The following PTPN3 variants were observed in gnomAD, a reference collection of about 807,000 sequenced individuals.
PTPN3 encodes tyrosine-protein phosphatase non-receptor type 3.
Under a neutral mutation model 132.7 loss-of-function variants are expected in PTPN3, and 96 were observed. The observed-to-expected ratio is 0.72, with a 90% CI of 0.61 to 0.86. The LOEUF (loss-of-function observed/expected upper bound fraction) is 0.86. Among genes scored for constraint, PTPN3 ranks in the 40% least tolerant of loss-of-function variants. PTPN3 has a pLI of 0.00. For synonymous variants in PTPN3, 398 were observed against 429.0 expected (o/e 0.93, Z 0.89); for missense variants, 1,125 against 1,159.6 (o/e 0.97, Z 0.43).
chr9:109,429,002 A>G (rs1417183718), intron 10 of PTPN3: 1 of 985,436 alleles, frequency 1.0e-6, no homozygotes, highest in Non-Finnish European at 1.2e-6. Context: ...TGGTATATAC[A>G]TGGGGAAGAC....
chr9:109,495,030 G>C (rs1305176179), intron 1 of PTPN3, among the ~76,000 whole-genome samples: 1 of 152,110 alleles, frequency 6.6e-6, no homozygotes, highest in African/African-American at 2.4e-5. Context: ...GCACTTCTCA[G>C]GTCCTTCTCG....
intron 2 of PTPN3, among the ~76,000 whole-genome samples, chr9:109,460,972 G>T (rs574452031): frequency 3.3e-5 from 5 of 152,258 alleles, no homozygotes; most frequent in African/African-American, 9.6e-5. Context: ...GTCAGGAAGA[G>T]GATAAACGGT....
chr9:109,518,384 A>G, the PTPN3 span, among the ~76,000 whole-genome samples: 1 of 152,172 alleles, frequency 6.6e-6, no homozygotes, highest in Non-Finnish European at 1.5e-5. Context: ...GTGTGGCTGC[A>G]CTGGAGGTGG....
intron 10 of PTPN3, chr9:109,428,947 T>C (rs954368823): frequency 2.0e-6 from 2 of 985,350 alleles, no homozygotes; most frequent in Non-Finnish European, 2.4e-6. Flanking sequence ...CCATGCGCTC[T>C]CTTTGCTATA....
chr9:109,446,437 T>C (rs1741889226), intron 6 of PTPN3, among the ~76,000 whole-genome samples: 1 of 152,176 alleles, frequency 6.6e-6, no homozygotes, highest in African/African-American at 2.4e-5. Flanking sequence ...GTTCCTCAAG[T>C]GATGCTGTGT....
chr9:109,379,953 T>G (rs1838897721), intron 25 of PTPN3, among the ~76,000 whole-genome samples: 1 of 152,152 alleles, frequency 6.6e-6, no homozygotes, highest in Admixed American at 6.5e-5. Flanking sequence ...GAGCCCATTT[T>G]GAGAAACGGG....
chr9:109,409,041 G>C (rs1338594365), intron 16 of PTPN3, among the ~76,000 whole-genome samples: 1 of 151,830 alleles, frequency 6.6e-6, no homozygotes, highest in Admixed American at 6.6e-5. Flanking sequence ...CTTTGTCCTA[G>C]AGTAGGGATG....
chr9:109,477,076 A>G (rs1846705032), intron 1 of PTPN3, among the ~76,000 whole-genome samples: 1 of 152,084 alleles, frequency 6.6e-6, no homozygotes. Context: ...AAACAAGGTG[A>G]TGATCCCAAG....
chr9:109,521,065 G>A, the PTPN3 span, among the ~76,000 whole-genome samples: 1 of 152,182 alleles, frequency 6.6e-6, no homozygotes, highest in Non-Finnish European at 1.5e-5. Context: ...CCACTCAAGT[G>A]TATGGAATGT....
chr9:109,513,991 T>C, the PTPN3 span, among the ~76,000 whole-genome samples: 1 of 152,146 alleles, frequency 6.6e-6, no homozygotes. Flanking sequence ...AGCTAACAGA[T>C]CAACTCCATC....
Position 109,468,808 on chromosome 9 carries a change from C to T in PTPN3, c.-17-5357G>A, listed in dbSNP as rs4978811. Among the ~76,000 whole-genome samples, 1,461 of 152,328 alleles carry T rather than the reference C, an allele frequency of 9.6e-3. 12 individuals are homozygous for T. The highest frequency in any genetic ancestry group is 0.044 in the Middle Eastern group (13 of 294). On this transcript the variant is annotated intron_variant, in intron 1 of 25. Transcript: ENST00000374541. ...GTGCCTAGCACATGTGGGACACATA[C>T]CAGGCACTCAATGAAAGGCATTTTA...
chr9:109,428,783 T>C (rs1414628884), intron 10 of PTPN3, 99 bp from the exon 11 acceptor site: 66 of 1,485,714 alleles, frequency 4.4e-5, no homozygotes, highest in Non-Finnish European at 5.5e-5. Flanking sequence ...ATGATCCTGA[T>C]GAGTGGGGGC....
At chr9:109,473,060 T>C (rs1846456830) in intron 1 of PTPN3, among the ~76,000 whole-genome samples, 1 of 152,246 alleles carries the variant, frequency 6.6e-6, no homozygotes, top group Non-Finnish European at 1.5e-5. Context: ...TTAATACCTT[T>C]TATGAAAAAA....
rs1256639878 is a variant in PTPN3, at chr9:109,464,232, A to G, written c.-17-781T>C. Among the ~76,000 whole-genome samples the G allele has an allele frequency of 2.0e-5, 3 of 152,240 alleles. No homozygotes were observed. In the East Asian group the frequency reaches 5.8e-4, roughly 29 times the overall value. On this transcript the variant is annotated intron_variant, in intron 1 of 25. Transcript: ENST00000374541. ...GGAAAACTGCTGAATAGTATCTACT[A>G]AAGCTCAACATATGCATTTATTGTG...
chr9:109,474,260 C>T (rs747955246), intron 1 of PTPN3, among the ~76,000 whole-genome samples: 10 of 152,182 alleles, frequency 6.6e-5, no homozygotes, highest in African/African-American at 1.2e-4. Flanking sequence ...GCTGTCCCCA[C>T]GACAGCCTCC....
At chr9:109,410,179 G>A (rs1286228728) in intron 15 of PTPN3, 50 bp downstream of exon 15, 11 of 1,610,906 alleles carry the variant, frequency 6.8e-6, no homozygotes, top group Non-Finnish European at 9.3e-6. Flanking sequence ...CCCACAAGAG[G>A]CCGGGAAGCC....
the PTPN3 span, among the ~76,000 whole-genome samples, chr9:109,528,801 TTGTG>T: frequency 2.0e-5 from 3 of 151,818 alleles, no homozygotes; most frequent in Non-Finnish European, 2.9e-5. Flanking sequence ...TCCTTCTTCC[TTGTG>T]TGTGTGTGTA....
At chr9:109,451,201 C>A in intron 5 of PTPN3, 10 of 974,518 alleles carry the variant, frequency 1.0e-5, no homozygotes, top group Non-Finnish European at 1.2e-5. Flanking sequence ...CCAGTCTGGG[C>A]AACATAGCAA....
chr9:109,388,602 C>T (rs1426595613), intron 22 of PTPN3, among the ~76,000 whole-genome samples: 1 of 152,076 alleles, frequency 6.6e-6, no homozygotes, highest in African/African-American at 2.4e-5. Flanking sequence ...GCTGAGGTCT[C>T]CTGGATCACA....
Sources: allele counts gnomAD v4.1 joint callset (sites outside exome capture counted in the v4.1 genomes callset), GRCh38; gene constraint gnomAD v4.1.1; transcripts MANE v1.5; gene names NCBI Gene and HGNC (gene_info 2026-07-23, HGNC 2026-07-21).